Variants in HMOX2 observed in about 807,000 individuals in gnomAD.
HMOX2 encodes the protein heme oxygenase (decycling) 2.
Under a neutral mutation model 33.7 loss-of-function variants are expected in HMOX2, and 30 were observed. The ratio of observed to expected loss-of-function variants is 0.89; its 90% CI spans 0.67 to 1.21. The LOEUF (loss-of-function observed/expected upper bound fraction) is 1.21. Ranked by LOEUF, HMOX2 falls within the 50% of genes most tolerant of loss-of-function variation. HMOX2 has a pLI of 0.00. For missense variants in HMOX2, 403 were observed against 399.1 expected, an observed-to-expected ratio of 1.01 and a Z score of -0.08; for synonymous variants, 155 against 155.0, an observed-to-expected ratio of 1.00 and a Z score of 0.00.
At chr16:4,496,907 G>T (rs2058436005) in intron 1 of HMOX2, 1 of 150,324 alleles carries the variant, frequency 6.7e-6, no homozygotes, top group South Asian at 2.1e-4. Context: ...ATGTTTCCTA[G>T]GCTGGTCTCA....
At chr16:4,503,335 A>G (rs1483326577) in intron 1 of HMOX2, among the ~76,000 whole-genome samples, 1 of 151,980 alleles carries the variant, frequency 6.6e-6, no homozygotes, top group African/African-American at 2.4e-5. Flanking sequence ...CCCTGCCCCA[A>G]ATCCTGTCTG....
At chr16:4,487,046 CA>C (rs1429856863) in intron 1 of HMOX2, among the ~76,000 whole-genome samples, 1 of 152,006 alleles carries the variant, frequency 6.6e-6, no homozygotes, top group Non-Finnish European at 1.5e-5. Flanking sequence ...TGCTTGAGCC[CA>C]GGAGTTCGAG....
chr16:4,506,737 TTGC>T (rs1335567451), intron 2 of HMOX2, among the ~76,000 whole-genome samples, 155 bp from the exon 3 acceptor site: 4 of 152,136 alleles, frequency 2.6e-5, no homozygotes, highest in Admixed American at 6.5e-5. Context: ...CCCTGACAAG[TTGC>T]TGCTATTTGT....
intron 1 of HMOX2, among the ~76,000 whole-genome samples, chr16:4,481,284 G>C (rs1476659191): frequency 6.7e-6 from 1 of 149,160 alleles, no homozygotes; most frequent in Non-Finnish European, 1.5e-5. Context: ...GGGAGGCGGA[G>C]CTTGCAGTAA....
intron 1 of HMOX2, among the ~76,000 whole-genome samples, chr16:4,477,146 C>T (rs927355797): frequency 6.6e-6 from 1 of 152,086 alleles, no homozygotes; most frequent in Non-Finnish European, 1.5e-5. Context: ...AATTGCCCTG[C>T]AAAAGCTGCC....
chr16:4,475,432 TGA>T (rs2057793178), upstream of HMOX2, among the ~76,000 whole-genome samples: 2 of 151,394 alleles, frequency 1.3e-5, no homozygotes, highest in South Asian at 4.2e-4. Flanking sequence ...CTCAGTTTCC[TGA>T]GTAGCTGGGA....
rs1023478971 is a variant in HMOX2 at position 4,500,397 on chromosome 16, T to G, written c.-41-5087T>G. The stretch of plus-strand genomic sequence containing the variant: ...TGTGGGGTAACAACCCGAGTTCATG[T>G]TGTGGGCATCTCATGCAGTGTAGTA... On this transcript the variant is annotated intron_variant, in intron 1 of 5. Coordinates refer to ENST00000570646, the MANE Select transcript of HMOX2 (RefSeq NM_002134.4). Among the ~76,000 whole-genome samples, 18 of 152,284 alleles carry G rather than the reference T, an allele frequency of 1.2e-4. 2 individuals carry two copies. In the South Asian group the frequency reaches 3.7e-3, roughly 32 times the overall value.
At position 4,494,951 on chromosome 16, in the gene HMOX2, T is replaced by C. The variant is rs960160590; in HGVS notation, c.-41-10533T>C. Among the ~76,000 whole-genome samples the C allele has an allele frequency of 2.0e-5, 3 of 151,864 alleles. No homozygotes were observed. In the East Asian group the frequency reaches 5.8e-4, roughly 29 times the overall value. On this transcript the variant is annotated intron_variant, in intron 1 of 5. Coordinates refer to ENST00000570646, the MANE Select transcript of HMOX2 (RefSeq NM_002134.4). Reference sequence around the variant, plus strand: ...ACTTTGGGAGGCCAAAGTGGGAGGATTGTTGAGGCTAGGAGGTCAAGACCA... The same window carrying C: ...ACTTTGGGAGGCCAAAGTGGGAGGACTGTTGAGGCTAGGAGGTCAAGACCA...
At chr16:4,477,694 G>A (rs986686027) in intron 1 of HMOX2, among the ~76,000 whole-genome samples, 2 of 151,680 alleles carry the variant, frequency 1.3e-5, no homozygotes, top group East Asian at 2.0e-4. Flanking sequence ...CGAGGCAGGC[G>A]GATCACCTGA....
intron 1 of HMOX2, among the ~76,000 whole-genome samples, chr16:4,481,139 G>C (rs1596441729): frequency 6.6e-6 from 1 of 151,440 alleles, no homozygotes; most frequent in Non-Finnish European, 1.5e-5. Context: ...GAGGTCAGGA[G>C]ATCGAGACCA....
chr16:4,477,585 T>C (rs956682706), intron 1 of HMOX2, among the ~76,000 whole-genome samples: 1 of 151,578 alleles, frequency 6.6e-6, no homozygotes, highest in Admixed American at 6.6e-5. Context: ...CTGTGTTTTG[T>C]TGATGGCGCT....
upstream of HMOX2, among the ~76,000 whole-genome samples, chr16:4,475,138 A>G (rs577851037): frequency 6.6e-6 from 1 of 150,452 alleles, no homozygotes; most frequent in South Asian, 2.1e-4. Flanking sequence ...TTTTTAGTAG[A>G]GACGGGGTTT....
intron 1 of HMOX2, among the ~76,000 whole-genome samples, chr16:4,500,166 G>T (rs1012164655): frequency 6.6e-6 from 1 of 152,168 alleles, no homozygotes; most frequent in Non-Finnish European, 1.5e-5. Context: ...AAGCTGAAGC[G>T]TAATCACCTC....
chr16:4,482,453 G>A (rs1024376638), intron 1 of HMOX2, among the ~76,000 whole-genome samples: 5 of 152,210 alleles, frequency 3.3e-5, no homozygotes, highest in African/African-American at 1.2e-4. Context: ...CAATTCTCTA[G>A]TAGACACACC....
rs752347693 is a variant in HMOX2 at position 4,509,456 on chromosome 16, G to C, written c.741G>C (p.Glu247Asp). Reference sequence around the variant, plus strand: ...AGGCCGGCTCCACACTGGCCAGAGAGACCTTGGAGGATGGGTTCCCTGTAC... The same window carrying C: ...AGGCCGGCTCCACACTGGCCAGAGACACCTTGGAGGATGGGTTCCCTGTAC... ...LDQAGSTLARETLEDGFPVHD... is the reference protein window; with the variant it reads ...LDQAGSTLARDTLEDGFPVHD... Residue 247 changes from glutamate to aspartate, a missense_variant, in exon 5 of 6, where the codon GAG becomes GAC. Physicochemically the swap from Glu to Asp is conservative, Grantham distance 45 (BLOSUM62 2). Transcript: ENST00000570646. The C allele has an allele frequency of 2.8e-5, 46 of 1,614,040 alleles. No homozygotes were observed. The highest frequency in any genetic ancestry group is 3.8e-5 in the Non-Finnish European group (45 of 1,180,034).
In HMOX2 at chr16:4,507,859, T is replaced by C; in HGVS notation, c.351T>C (p.Phe117=). Residue 117 remains phenylalanine, a synonymous_variant, in exon 4 of 6, where the codon TTT becomes TTC. Coordinates refer to ENST00000570646, the MANE Select transcript of HMOX2 (RefSeq NM_002134.4). ...EALTKDMEYF[F]GENWEEQVQC... The stretch of plus-strand genomic sequence containing the variant: ...TGACCAAGGACATGGAGTATTTCTT[T>C]GGTGAAAACTGGGAGGAGCAGGTGC... The C allele has an allele frequency of 1.9e-6, 3 of 1,614,178 alleles. No homozygotes were observed. Among genetic ancestry groups the C allele is most frequent in the Non-Finnish European group, 2.5e-6 (3 of 1,180,012 alleles).
intron 1 of HMOX2, among the ~76,000 whole-genome samples, chr16:4,498,921 T>C (rs1027493378): frequency 6.6e-6 from 1 of 152,216 alleles, no homozygotes; most frequent in Non-Finnish European, 1.5e-5. Flanking sequence ...GGATTAGAAC[T>C]GATTGAGCTC....
chr16:4,485,185 C>T (rs761008741), intron 1 of HMOX2, among the ~76,000 whole-genome samples: 14 of 152,102 alleles, frequency 9.2e-5, no homozygotes, highest in Non-Finnish European at 1.8e-4. Context: ...AGGCTGATCT[C>T]GAACTCCTGA....
intron 2 of HMOX2, among the ~76,000 whole-genome samples, 162 bp downstream of exon 2, chr16:4,505,772 G>A (rs990982081): frequency 5.3e-5 from 8 of 152,320 alleles, no homozygotes; most frequent in Middle Eastern, 3.4e-3. Context: ...ATACAGCTTC[G>A]GCTGCTTAGA....
Sources: allele counts gnomAD v4.1 joint callset (sites outside exome capture counted in the v4.1 genomes callset), GRCh38; gene constraint gnomAD v4.1.1; transcripts MANE v1.5; gene names NCBI Gene and HGNC (gene_info 2026-07-23, HGNC 2026-07-21).